FBXO31: variants seen among roughly 807,000 people sequenced by gnomAD.
FBXO31 encodes F-box only protein 31.
A neutral mutation model predicts 54.4 loss-of-function variants in FBXO31; 24 were observed. The ratio of observed to expected loss-of-function variants is 0.44; its 90% confidence interval spans 0.32 to 0.62. The LOEUF (loss-of-function observed/expected upper bound fraction) is 0.62. Among genes scored for constraint, FBXO31 ranks in the 20% least tolerant of loss-of-function variants. The pLI is 0.05. For missense variants in FBXO31, 665 were observed against 787.1 expected, an observed-to-expected ratio of 0.84 and a Z score of 1.86; for synonymous variants, 388 against 335.6, an observed-to-expected ratio of 1.16 and a Z score of -1.71.
rs1597371024 is a variant in FBXO31, at chr16:87,358,423, C to T, written c.412+1872G>A. 1 of 152,666 alleles carries T rather than the reference C, an allele frequency of 6.6e-6. No individual in the cohort carries two copies. The highest frequency in any genetic ancestry group is 2.1e-4 in the South Asian group (1 of 4,830). The allele number at this position is 152,666 out of a possible 1,614,324, so 9.5% of individuals were successfully genotyped here. ...AGGAGGTACATACGGCAGGTGTAAACGTCTCTGTACGCCATGTGCTCATAA... is the reference window on the plus strand; with the variant it reads ...AGGAGGTACATACGGCAGGTGTAAATGTCTCTGTACGCCATGTGCTCATAA... On this transcript the variant is annotated intron_variant, in intron 2 of 8. Coordinates refer to ENST00000311635, the MANE Select transcript of FBXO31 (RefSeq NM_024735.5). This position sits in a 1 kb window ranked among gnomAD's most constrained non-coding sequence, Gnocchi z 4.0.
At chr16:87,380,234 G>A (rs1304643387) in intron 1 of FBXO31, among the ~76,000 whole-genome samples, 1 of 144,038 alleles carries the variant, frequency 6.9e-6, no homozygotes, top group Non-Finnish European at 1.5e-5. Flanking sequence ...GGAGGCAGAG[G>A]CTGTAGTGAG....
At chr16:87,347,339 G>A in intron 2 of FBXO31, 89 bp from the exon 3 acceptor site, 1 of 1,106,340 alleles carries the variant, frequency 9.0e-7, no homozygotes, top group Non-Finnish European at 1.4e-6. Context: ...AAGGAACCAT[G>A]AGGACTCACA....
Position 87,334,024 on chromosome 16 carries a change from G to C in FBXO31, c.1259C>G (p.Pro420Arg). ...EAPSKGPDGT[P>R]GEDGGEPGDA... Reference sequence around the variant, plus strand: ...CCCAGGCTCGCCACCATCCTCACCAGGTGTCCCATCTGGGCCCTTGCTGGG... The same window carrying C: ...CCCAGGCTCGCCACCATCCTCACCACGTGTCCCATCTGGGCCCTTGCTGGG... The change falls in exon 8 of 9, where the codon CCT becomes CGT. Residue 420 changes from proline to arginine, a missense_variant. This residue lies in a region of FBXO31 where 165 missense variants were observed against 159.7 expected (regional missense o/e 1.03). Transcript: ENST00000311635. 1 of 1,612,746 alleles carries C rather than the reference G, an allele frequency of 6.2e-7. No individual in the cohort carries two copies. The highest frequency in any genetic ancestry group is 8.5e-7 in the Non-Finnish European group (1 of 1,179,758).
At chr16:87,369,125 T>G (rs1429177801) in intron 1 of FBXO31, among the ~76,000 whole-genome samples, 1 of 152,240 alleles carries the variant, frequency 6.6e-6, no homozygotes, top group African/African-American at 2.4e-5. Flanking sequence ...TCATTTCCTC[T>G]TGTAAGAGGT....
chr16:87,336,417 G>A lies in FBXO31; in HGVS notation c.733-153C>T, dbSNP rs367573069. The stretch of plus-strand genomic sequence containing the variant: ...GGTGGGGGAGGATGGACTTGGCGCT[G>A]GGAAGAGAAAGGGGAGCTGCCGGAT... On this transcript the variant is annotated intron_variant, in intron 5 of 8. Coordinates refer to ENST00000311635, the MANE Select transcript of FBXO31 (RefSeq NM_024735.5). The surrounding 1 kb of genome is among the most constrained non-coding windows in gnomAD (Gnocchi z 6.5). Among the ~76,000 whole-genome samples, 1 of 152,174 alleles carries A rather than the reference G, an allele frequency of 6.6e-6. No individual in the cohort carries two copies. The highest frequency in any genetic ancestry group is 1.9e-4 in the East Asian group (1 of 5,180).
At chr16:87,374,796 C>A (rs961155539) in intron 1 of FBXO31, among the ~76,000 whole-genome samples, 2 of 152,162 alleles carry the variant, frequency 1.3e-5, no homozygotes, top group Admixed American at 6.5e-5. Flanking sequence ...TAAATGTAAT[C>A]TTTTGTTATT....
intron 2 of FBXO31, among the ~76,000 whole-genome samples, chr16:87,351,702 C>G (rs1488521060): frequency 1.3e-5 from 2 of 152,102 alleles, no homozygotes; most frequent in Non-Finnish European, 2.9e-5. Context: ...AATCCCGTCT[C>G]TACTAAAAAT....
chr16:87,343,007 C>A, intron 4 of FBXO31, 56 bp from the exon 5 acceptor site: 1 of 1,478,472 alleles, frequency 6.8e-7, no homozygotes, highest in Non-Finnish European at 9.3e-7. Context: ...TCCATCACAG[C>A]ATCCCCCACC....
intron 1 of FBXO31, among the ~76,000 whole-genome samples, chr16:87,373,715 T>G (rs1906703147): frequency 6.6e-6 from 1 of 152,080 alleles, no homozygotes. Flanking sequence ...TTTAAACCAC[T>G]AACTTGTCCC....
intron 1 of FBXO31, among the ~76,000 whole-genome samples, chr16:87,362,245 T>C (rs546184905): frequency 6.6e-6 from 1 of 152,202 alleles, no homozygotes; most frequent in African/African-American, 2.4e-5. Flanking sequence ...CATGGTAATA[T>C]TTTATTTAAC....
chr16:87,340,860 C>G (rs921457796), intron 5 of FBXO31, among the ~76,000 whole-genome samples: 1 of 151,132 alleles, frequency 6.6e-6, no homozygotes, highest in Non-Finnish European at 1.5e-5. Context: ...AATCCAAAGA[C>G]AAAAAAAAGG....
chr16:87,383,383 C>CCCCCCCCCCCCCCCCGCGCACCCCCA lies in FBXO31; in HGVS notation c.340+21_340+22insTGGGGGTGCGCGGGGGGGGGGGGGGG. The CCCCCCCCCCCCCCCCGCGCACCCCCA allele has an allele frequency of 6.6e-7, 1 of 1,518,276 alleles. No individual in the cohort carries two copies. The highest frequency in any genetic ancestry group is 8.8e-7 in the Non-Finnish European group (1 of 1,131,242). The allele number at this position is 1,518,276 out of a possible 1,614,324, so 94.1% of individuals were successfully genotyped here. A position where few individuals can be genotyped will look rare whatever the true frequency, so the allele number is the denominator to read the frequency against. On this transcript the variant is annotated intron_variant, in intron 1 of 8. Coordinates refer to ENST00000311635, the MANE Select transcript of FBXO31 (RefSeq NM_024735.5). The surrounding 1 kb of genome is among the most constrained non-coding windows in gnomAD (Gnocchi z 4.9). ...GCAGGGACCCCCCGCCCCTCCCGGC[C>CCCCCCCCCCCCCCCCGCGCACCCCCA]CCGCCACCCCCGCGCGCTCACCCTC...
intron 2 of FBXO31, among the ~76,000 whole-genome samples, chr16:87,353,809 C>T (rs1368446534): frequency 2.0e-5 from 3 of 152,218 alleles, no homozygotes; most frequent in African/African-American, 7.2e-5. Context: ...GGGAGCAGGG[C>T]CCCGGACACC....
chr16:87,371,722 C>T (rs532190764), intron 1 of FBXO31, among the ~76,000 whole-genome samples: 1 of 152,358 alleles, frequency 6.6e-6, no homozygotes, highest in Admixed American at 6.5e-5. Flanking sequence ...ACCCCAGACC[C>T]TCAGATGCAT....
chr16:87,373,490 T>A (rs2150694526), intron 1 of FBXO31, among the ~76,000 whole-genome samples: 1 of 151,684 alleles, frequency 6.6e-6, no homozygotes, highest in East Asian at 1.9e-4. Flanking sequence ...TACACACACA[T>A]ACATACCTGA....
At chr16:87,369,394 C>T (rs1036058593) in intron 1 of FBXO31, among the ~76,000 whole-genome samples, 6 of 152,160 alleles carry the variant, frequency 3.9e-5, no homozygotes, top group Non-Finnish European at 7.3e-5. Flanking sequence ...TGTCTCTCTG[C>T]TTTTGACTAC....
rs189167855 is a variant in FBXO31, at chr16:87,360,272, T to C, written c.412+23A>G. The C allele has an allele frequency of 7.3e-4, 1,175 of 1,606,202 alleles. 1 individual carries two copies. Among genetic ancestry groups the C allele is most frequent in the Non-Finnish European group, 9.2e-4 (1,074 of 1,172,712 alleles). On this transcript the variant is annotated intron_variant, in intron 2 of 8. Transcript: ENST00000311635. Reference sequence around the variant, plus strand: ...CTTCTGGTACAAAGTTAATCATGGATGGTAACAAATAGATTCACTCACGCT... The same window carrying C: ...CTTCTGGTACAAAGTTAATCATGGACGGTAACAAATAGATTCACTCACGCT...
At chr16:87,391,403 G>A (rs1229439357), upstream of FBXO31, among the ~76,000 whole-genome samples, 5 of 152,208 alleles carry the variant, frequency 3.3e-5, no homozygotes, top group Non-Finnish European at 7.3e-5. Flanking sequence ...GGTGGTTTAC[G>A]CACTGCAGCC....
rs1904673906 is a variant in FBXO31, at chr16:87,327,155, G to A, written c.*4133C>T. On this transcript the variant is annotated 3_prime_UTR_variant, in exon 9 of 9. Coordinates refer to ENST00000311635, the MANE Select transcript of FBXO31 (RefSeq NM_024735.5). ...GGGGGTGCAGAGGTGCTCATGATCA[G>A]ATGGCACAGCGCTTTCCTAATGCAG... The A allele has an allele frequency of 6.5e-6, 1 of 152,700 alleles. No individual in the cohort carries two copies. The highest frequency in any genetic ancestry group is 1.5e-5 in the Non-Finnish European group (1 of 68,424). 9.5% of individuals were successfully genotyped at this position (152,700 alleles called of 1,614,324 possible).
Sources: allele counts gnomAD v4.1 joint callset (sites outside exome capture counted in the v4.1 genomes callset), GRCh38; gene constraint gnomAD v4.1.1; regional missense constraint gnomAD v4.1.1; non-coding constraint Gnocchi (gnomAD v3.1); transcripts MANE v1.5; gene names NCBI Gene and HGNC (gene_info 2026-07-23, HGNC 2026-07-21).